PFKFB4: variants seen among roughly 807,000 people sequenced by gnomAD.
PFKFB4 encodes the protein 6-phosphofructo-2-kinase/fructose-2,6-bisphosphatase 4.
In PFKFB4, 42 loss-of-function variants were observed where a neutral mutation model predicts 62.8. The observed-to-expected ratio is 0.67, with a 90% CI of 0.52 to 0.86. The LOEUF (loss-of-function observed/expected upper bound fraction) is 0.86. Ranked by LOEUF, PFKFB4 falls within the 40% of genes least tolerant of loss-of-function variation. The probability of loss-of-function intolerance (pLI) is 0.00; values close to 1 mark genes in which losing one functional copy is unlikely to be tolerated. For missense variants in PFKFB4, 475 were observed against 627.2 expected, an observed-to-expected ratio of 0.76 and a Z score of 2.59; for synonymous variants, 204 against 240.7, an observed-to-expected ratio of 0.85 and a Z score of 1.41.
chr3:48,519,549 G>A lies in PFKFB4; in HGVS notation c.*198C>T. On this transcript the variant is annotated 3_prime_UTR_variant, in exon 14 of 14. Transcript: ENST00000232375. ...CAAGTGACTCTTAGCAGCAGGTCAG[G>A]AGCCACGCACAACCTTGTCGCCGAC... is the stretch of plus-strand genomic sequence containing the variant. 1.7e-6 allele frequency: 1 copy of A among 577,420 alleles called. No homozygotes were observed. Among genetic ancestry groups the A allele is most frequent in the East Asian group, 2.8e-5 (1 of 35,290 alleles). 35.8% of individuals were successfully genotyped at this position (577,420 alleles called of 1,614,324 possible).
chr3:48,530,369 C>T (rs1050011537), intron 9 of PFKFB4, among the ~76,000 whole-genome samples: 7 of 152,162 alleles, frequency 4.6e-5, no homozygotes, highest in Admixed American at 3.9e-4. Flanking sequence ...ACAACATCAT[C>T]TTTCCCAACA....
At chr3:48,550,417 G>T (rs995086344) in intron 1 of PFKFB4, among the ~76,000 whole-genome samples, 183 bp from the exon 2 acceptor site, 1 of 152,116 alleles carries the variant, frequency 6.6e-6, no homozygotes, top group African/African-American at 2.4e-5. Context: ...GCCACCGTTG[G>T]CATGTCCCCC....
chr3:48,537,986 A>T (rs1367171083), intron 7 of PFKFB4, among the ~76,000 whole-genome samples: 5 of 152,212 alleles, frequency 3.3e-5, no homozygotes, highest in Non-Finnish European at 7.3e-5. Context: ...TTACCCAGCC[A>T]CTGCCCCATG....
intron 1 of PFKFB4, among the ~76,000 whole-genome samples, chr3:48,555,929 G>C (rs562887247): frequency 1.3e-5 from 2 of 151,744 alleles, no homozygotes; most frequent in Non-Finnish European, 2.9e-5. Flanking sequence ...AAAACTGCCA[G>C]CTCATTTAAG....
intron 9 of PFKFB4, chr3:48,526,008 AT>A (rs1560152912): frequency 6.1e-6 from 1 of 165,120 alleles, no homozygotes; most frequent in Non-Finnish European, 1.3e-5. Context: ...CACTTGTGTT[AT>A]TTGGGATACA....
At chr3:48,527,026 T>A (rs1575359890) in intron 9 of PFKFB4, among the ~76,000 whole-genome samples, 1 of 144,780 alleles carries the variant, frequency 6.9e-6, no homozygotes, top group Non-Finnish European at 1.5e-5. Context: ...TGGACAGAGG[T>A]GGGATTGGAG....
chr3:48,548,482 A>T (rs901994420), intron 3 of PFKFB4: 1 of 152,098 alleles, frequency 6.6e-6, no homozygotes, highest in South Asian at 2.1e-4. Flanking sequence ...AAATAATAAT[A>T]ATTTTTAAAA....
chr3:48,534,832 A>G (rs550426574), intron 9 of PFKFB4, among the ~76,000 whole-genome samples: 22 of 151,474 alleles, frequency 1.5e-4, no homozygotes, highest in South Asian at 8.3e-4. Flanking sequence ...TTTTTGAGAC[A>G]GAACATCACT....
chr3:48,562,860 G>C, upstream of PFKFB4: 1 of 1,593,480 alleles, frequency 6.3e-7, no homozygotes, highest in South Asian at 1.1e-5. The surrounding 1 kb of genome is among the most constrained non-coding windows in gnomAD (Gnocchi z 4.3). Flanking sequence ...GCCCGGGCTT[G>C]CTCCAGTAAG....
rs1185872960 is a variant in PFKFB4, at chr3:48,521,748, G to A, written c.1350+238C>T. Among the ~76,000 whole-genome samples, 3 of 152,180 alleles carry A rather than the reference G, an allele frequency of 2.0e-5. No individual in the cohort carries two copies. Among genetic ancestry groups the A allele is most frequent in the Non-Finnish European group, 2.9e-5 (2 of 68,028 alleles). ...ACCACACCCAAGTTCAGGCACTCCTGAGCCTGGTGGCCCAGAGTCAGGGAT... is the reference window on the plus strand; with the variant it reads ...ACCACACCCAAGTTCAGGCACTCCTAAGCCTGGTGGCCCAGAGTCAGGGAT... On this transcript the variant is annotated intron_variant, in intron 13 of 13. Transcript: ENST00000232375. This position sits in a 1 kb window ranked among gnomAD's most constrained non-coding sequence, Gnocchi z 5.3.
intron 9 of PFKFB4, 136 bp from the exon 10 acceptor site, chr3:48,525,805 C>T (rs1321704354): frequency 1.2e-5 from 6 of 480,052 alleles, no homozygotes; most frequent in Non-Finnish European, 1.1e-5. Flanking sequence ...AGAAACCTGT[C>T]TAAGGAGGGG....
At chr3:48,550,542 C>A (rs533224039) in intron 1 of PFKFB4, among the ~76,000 whole-genome samples, 2 of 152,158 alleles carry the variant, frequency 1.3e-5, no homozygotes, top group Non-Finnish European at 1.5e-5. Flanking sequence ...CTAAACATGG[C>A]TAGGGGGGTC....
chr3:48,528,001 C>A (rs1189003743), intron 9 of PFKFB4, among the ~76,000 whole-genome samples: 1 of 151,786 alleles, frequency 6.6e-6, no homozygotes, highest in South Asian at 2.1e-4. Context: ...CTTCCACCAT[C>A]GTAAAGAGCA....
chr3:48,552,451 G>C (rs1342736843), intron 1 of PFKFB4, among the ~76,000 whole-genome samples: 1 of 152,244 alleles, frequency 6.6e-6, no homozygotes, highest in Non-Finnish European at 1.5e-5. Flanking sequence ...GGAAGGAGGA[G>C]ACCCCATGAA....
chr3:48,545,063 T>C (rs894163163), intron 3 of PFKFB4, among the ~76,000 whole-genome samples: 8 of 152,184 alleles, frequency 5.3e-5, no homozygotes, highest in African/African-American at 1.9e-4. Context: ...GGTCTGGAGA[T>C]AGATAAATTA....
chr3:48,535,461 G>T, intron 9 of PFKFB4, 51 bp downstream of exon 9: 1 of 1,469,464 alleles, frequency 6.8e-7, no homozygotes, highest in Non-Finnish European at 9.5e-7. Context: ...ATATGATGCA[G>T]CAGCCCTGCG....
intron 4 of PFKFB4, 144 bp from the exon 5 acceptor site, chr3:48,539,915 C>A: frequency 1.5e-6 from 1 of 674,290 alleles, no homozygotes; most frequent in East Asian, 2.7e-5. Context: ...CCAGGTCCAC[C>A]TGCCTGGCCA....
At chr3:48,528,272 T>C (rs1326816846) in intron 9 of PFKFB4, among the ~76,000 whole-genome samples, 1 of 152,022 alleles carries the variant, frequency 6.6e-6, no homozygotes, top group African/African-American at 2.4e-5. Context: ...GGCGAAACAG[T>C]GTGGCAGTTT....
In PFKFB4 at chr3:48,525,679, T is replaced by C. The variant is rs200220814; in HGVS notation, c.988-10A>G. ...TTTCCTCACAGACGCCCTAGGGAGA[T>C]ACCACAGTCATCACACCTCCTACAG... On this transcript the variant is annotated splice_polypyrimidine_tract_variant and intron_variant, in intron 9 of 13. Coordinates refer to ENST00000232375, the MANE Select transcript of PFKFB4 (RefSeq NM_004567.4). 7 of 1,527,446 alleles carry C rather than the reference T, an allele frequency of 4.6e-6. No individual in the cohort carries two copies. The highest frequency in any genetic ancestry group is 1.4e-5 in the African/African-American group (1 of 72,706). The allele number at this position is 1,527,446 out of a possible 1,614,324, so 94.6% of individuals were successfully genotyped here. A position where few individuals can be genotyped will look rare whatever the true frequency, so the allele number is the denominator to read the frequency against.
Sources: allele counts gnomAD v4.1 joint callset (sites outside exome capture counted in the v4.1 genomes callset), GRCh38; gene constraint gnomAD v4.1.1; non-coding constraint Gnocchi (gnomAD v3.1); transcripts MANE v1.5; gene names NCBI Gene and HGNC (gene_info 2026-07-23, HGNC 2026-07-21).